Variants in CUBN observed in about 807,000 individuals in gnomAD.
CUBN encodes 460 kDa receptor.
In CUBN, 282 loss-of-function variants were observed where a neutral mutation model predicts 405.3. That is an observed-to-expected ratio of 0.70 (90% CI 0.63 to 0.77). CUBN has a LOEUF of 0.77. CUBN is among the 30% of genes least tolerant of loss of function. CUBN has a pLI of 0.00. For missense variants in CUBN, 4,514 were observed against 4,475.2 expected (o/e 1.01, Z -0.25); for synonymous variants, 1,684 against 1,617.0 (o/e 1.04, Z -0.99).
At chr10:16,852,791 A>G (rs1464244906) in intron 59 of CUBN, among the ~76,000 whole-genome samples, 3 of 152,218 alleles carry the variant, frequency 2.0e-5, no homozygotes. Context: ...TCAGACTGAA[A>G]ACTGAATTTA....
At chr10:16,851,020 C>T (rs1839669043) in intron 60 of CUBN, among the ~76,000 whole-genome samples, 1 of 152,110 alleles carries the variant, frequency 6.6e-6, no homozygotes, top group African/African-American at 2.4e-5. Context: ...GCCAGTCACA[C>T]AAAATATTTG....
intron 28 of CUBN, among the ~76,000 whole-genome samples, chr10:17,003,558 G>A (rs1047381182): frequency 2.6e-5 from 4 of 151,884 alleles, no homozygotes; most frequent in African/African-American, 9.7e-5. Flanking sequence ...AAAGTTTTTT[G>A]TTCAATAACA....
intron 43 of CUBN, among the ~76,000 whole-genome samples, chr10:16,924,491 CAT>C (rs1229762606): frequency 6.6e-6 from 1 of 152,072 alleles, no homozygotes; most frequent in Non-Finnish European, 1.5e-5. Flanking sequence ...TGCAATAAAA[CAT>C]ATGATTTCAT....
chr10:17,002,206 C>T (rs770758573), intron 28 of CUBN, among the ~76,000 whole-genome samples: 2 of 152,076 alleles, frequency 1.3e-5, no homozygotes, highest in Non-Finnish European at 2.9e-5. Flanking sequence ...CAAGTTTCTA[C>T]ACTTCATTTT....
chr10:16,995,492 A>C (rs1363009820), intron 28 of CUBN, among the ~76,000 whole-genome samples: 2 of 152,224 alleles, frequency 1.3e-5, no homozygotes, highest in East Asian at 3.9e-4. Flanking sequence ...TTCTATCTTT[A>C]CATTTTTTTT....
At chr10:17,123,433 G>A in intron 5 of CUBN, 155 bp downstream of exon 5, 2 of 707,330 alleles carry the variant, frequency 2.8e-6, no homozygotes, top group Non-Finnish European at 5.2e-6. Context: ...ACTCACCACT[G>A]TTTGGGTTTT....
chr10:16,951,143 A>G lies in CUBN; in HGVS notation c.4970-1032T>C, dbSNP rs186175805. 6.6e-5 allele frequency among the ~76,000 whole-genome samples: 10 copies of G among 152,342 alleles called. No individual in the cohort carries two copies. In the East Asian group the frequency reaches 1.9e-3, roughly 29 times the overall value. On this transcript the variant is annotated intron_variant, in intron 33 of 66. Transcript: ENST00000377833. Reference sequence around the variant, plus strand: ...TCATCTAAATGCTTTACAACTCATTAGAAAATAATCCTCAGGCACAAACTT... The same window carrying G: ...TCATCTAAATGCTTTACAACTCATTGGAAAATAATCCTCAGGCACAAACTT...
Position 16,941,363 on chromosome 10 carries a change from A to G in CUBN, c.5343-1126T>C, listed in dbSNP as rs1588502671. On this transcript the variant is annotated intron_variant, in intron 36 of 66. Coordinates refer to ENST00000377833, the MANE Select transcript of CUBN (RefSeq NM_001081.4). Reference sequence around the variant, plus strand: ...ATCTTCGTACACAGAAACTAACTTAATATTTCTCAAGGATGTAAATATAAA... The same window carrying G: ...ATCTTCGTACACAGAAACTAACTTAGTATTTCTCAAGGATGTAAATATAAA... Among the ~76,000 whole-genome samples, 4 of 152,202 alleles carry G rather than the reference A, an allele frequency of 2.6e-5. No individual in the cohort carries two copies. The East Asian group carries it at 7.7e-4, about 29-fold the overall frequency.
At chr10:17,073,504 T>C (rs1835784818) in intron 17 of CUBN, among the ~76,000 whole-genome samples, 1 of 142,750 alleles carries the variant, frequency 7.0e-6, no homozygotes, top group African/African-American at 2.5e-5. Context: ...TGGAGTGCAA[T>C]GGCGTGATCT....
intron 58 of CUBN, among the ~76,000 whole-genome samples, chr10:16,873,406 G>T (rs1449138257): frequency 6.6e-6 from 1 of 152,124 alleles, no homozygotes; most frequent in African/African-American, 2.4e-5. Flanking sequence ...TATAAAAATA[G>T]ATTTCTTAAG....
At chr10:16,965,186 A>C (rs185161108) in intron 31 of CUBN, among the ~76,000 whole-genome samples, 6 of 152,182 alleles carry the variant, frequency 3.9e-5, no homozygotes, top group African/African-American at 1.2e-4. Flanking sequence ...GCCTCATTAC[A>C]TCTTGCCTAG....
At chr10:17,094,520 A>T (rs2131290010) in intron 14 of CUBN, among the ~76,000 whole-genome samples, 1 of 152,192 alleles carries the variant, frequency 6.6e-6, no homozygotes, top group East Asian at 1.9e-4. Flanking sequence ...CCACTAAAAT[A>T]CTTTTAGAAC....
At chr10:16,969,990 G>C (rs7895900) in intron 31 of CUBN, among the ~76,000 whole-genome samples, 3,309 of 152,200 alleles carry the variant, frequency 0.022, 130 homozygotes, top group African/African-American at 0.076. Flanking sequence ...ACTCCTAACT[G>C]AATCCTCTTC....
At chr10:17,044,755 C>T (rs914856031) in intron 25 of CUBN, among the ~76,000 whole-genome samples, 2 of 151,818 alleles carry the variant, frequency 1.3e-5, no homozygotes, top group Admixed American at 6.6e-5. Context: ...TCCTGTAATC[C>T]CTTTCAGGAG....
chr10:17,071,673 A>G, intron 18 of CUBN, 69 bp from the exon 19 acceptor site: 3 of 1,526,648 alleles, frequency 2.0e-6, no homozygotes, highest in Non-Finnish European at 2.7e-6. Context: ...TTATTGCAAA[A>G]TCTAATACTG....
At chr10:17,088,394 T>C in intron 14 of CUBN, 49 bp from the exon 15 acceptor site, 1 of 1,496,494 alleles carries the variant, frequency 6.7e-7, no homozygotes, top group Non-Finnish European at 9.3e-7. Flanking sequence ...ATGCTATAAT[T>C]TATGGAGAAT....
At chr10:17,079,504 G>T (rs1475469489) in intron 17 of CUBN, among the ~76,000 whole-genome samples, 1 of 151,964 alleles carries the variant, frequency 6.6e-6, no homozygotes, top group Admixed American at 6.6e-5. Context: ...CTCCCAAAGT[G>T]CTGGAGTTAC....
At chr10:17,090,855 A>T (rs1038475528) in intron 14 of CUBN, among the ~76,000 whole-genome samples, 1 of 151,306 alleles carries the variant, frequency 6.6e-6, no homozygotes, top group Non-Finnish European at 1.5e-5. Flanking sequence ...CAACTCTATA[A>T]TCTCAATATT....
intron 28 of CUBN, among the ~76,000 whole-genome samples, chr10:16,992,163 T>C (rs1833609228): frequency 1.3e-5 from 2 of 152,060 alleles, no homozygotes; most frequent in Non-Finnish European, 2.9e-5. Flanking sequence ...ACACCACATG[T>C]TCTCACTCAT....
Sources: allele counts gnomAD v4.1 joint callset (sites outside exome capture counted in the v4.1 genomes callset), GRCh38; gene constraint gnomAD v4.1.1; transcripts MANE v1.5; gene names NCBI Gene and HGNC (gene_info 2026-07-23, HGNC 2026-07-21).